The following HYAL1 variants were observed in gnomAD, a reference collection of about 807,000 sequenced individuals.
The protein encoded by HYAL1 is hyaluronidase 1, also known as hyaluronidase-1.
A neutral mutation model predicts 28.8 loss-of-function variants in HYAL1; 21 were observed. The observed-to-expected ratio is 0.73, with a 90% CI of 0.52 to 1.05. The LOEUF is 1.05. Ranked by LOEUF, HYAL1 falls within the 50% of genes least tolerant of loss-of-function variation. The pLI, the probability that HYAL1 is intolerant of heterozygous loss-of-function variation, is 0.00. For missense variants in HYAL1, 491 were observed against 579.2 expected, an observed-to-expected ratio of 0.85 and a Z score of 1.56; for synonymous variants, 200 against 230.1, an observed-to-expected ratio of 0.87 and a Z score of 1.18.
At chr3:50,303,024 G>A (rs1337814011) in intron 1 of HYAL1, 44 bp from the exon 2 acceptor site, 8 of 1,440,000 alleles carry the variant, frequency 5.6e-6, no homozygotes, top group Admixed American at 4.7e-5. Context: ...CAAAGTCTCC[G>A]ATTCCCCCAC....
At chr3:50,304,024 T>G (rs1702275255), upstream of HYAL1, 1 of 151,928 alleles carries the variant, frequency 6.6e-6, no homozygotes, top group Non-Finnish European at 1.5e-5. Flanking sequence ...ATCCTAGCAC[T>G]TTGGGAAGCC....
In HYAL1 at chr3:50,302,970, T is replaced by A. The variant is rs781888428; in HGVS notation, c.-14A>T. 1 of 1,544,706 alleles carries A rather than the reference T, an allele frequency of 6.5e-7. No homozygotes were observed. Among genetic ancestry groups the A allele is most frequent in the Non-Finnish European group, 8.7e-7 (1 of 1,143,956 alleles). ...GTGGGCTGCCATGGCACGGGACTGG[T>A]CGAGGACAACCTGGCCAGGGGAGGC... On this transcript the variant is annotated 5_prime_UTR_variant, in exon 2 of 4. Transcript: ENST00000395144. This position sits in a 1 kb window ranked among gnomAD's most constrained non-coding sequence, Gnocchi z 5.0.
chr3:50,305,927 G>C (rs1333529159), upstream of HYAL1, among the ~76,000 whole-genome samples: 2 of 151,452 alleles, frequency 1.3e-5, 1 homozygote, highest in African/African-American at 4.9e-5. Flanking sequence ...ATGTCATCAG[G>C]ACTTCCTGAG....
At chr3:50,307,798 C>CT (rs782024439), upstream of HYAL1, among the ~76,000 whole-genome samples, 1,986 of 135,060 alleles carry the variant, frequency 0.015, 109 homozygotes, top group African/African-American at 0.047. Flanking sequence ...AACCCAAAAA[C>CT]TTTTTTTTTT....
rs1186033905 is a variant in HYAL1 at position 50,302,570 on chromosome 3, G to C, written c.387C>G (p.Asp129Glu). 3 of 1,614,026 alleles carry C rather than the reference G, an allele frequency of 1.9e-6. No homozygotes were observed. The highest frequency in any genetic ancestry group is 1.3e-5 in the African/African-American group (1 of 74,932). Residue 129 changes from aspartate (D) to glutamate (E), a missense_variant, in exon 2 of 4, where the codon GAC becomes GAG. Asp to Glu is a conservative substitution (Grantham distance 45). Transcript: ENST00000395144. The surrounding 1 kb of genome is among the most constrained non-coding windows in gnomAD (Gnocchi z 5.0). ...CCCAGCGTGGGCGCCATGCCTCCCAGTCGATGACTGCCAGCCCTGAGAAGT... is the reference window on the plus strand; with the variant it reads ...CCCAGCGTGGGCGCCATGCCTCCCACTCGATGACTGCCAGCCCTGAGAAGT... ...APDFSGLAVI[D>E]WEAWRPRWAF...
chr3:50,307,293 G>A (rs1553714108), upstream of HYAL1, among the ~76,000 whole-genome samples: 1 of 150,620 alleles, frequency 6.6e-6, no homozygotes, highest in East Asian at 1.9e-4. Flanking sequence ...TGACCTGGGA[G>A]GCAGAGGTTG....
At chr3:50,308,846 C>A (rs1381662518) in intron 2 of HYAL1, among the ~76,000 whole-genome samples, 1 of 149,920 alleles carries the variant, frequency 6.7e-6, no homozygotes, top group Admixed American at 6.6e-5. Context: ...TTCTCCTCCC[C>A]TAGCCTCCCG....
At position 50,303,234 on chromosome 3, in the gene HYAL1, AC is replaced by A. The variant is rs1702244271; in HGVS notation, c.-25+231del. 7 of 364,804 alleles carry A rather than the reference AC, an allele frequency of 1.9e-5. No homozygotes were observed. In the South Asian group the frequency reaches 5.1e-4, roughly 27 times the overall value. The allele number at this position is 364,804 out of a possible 1,614,324, so 22.6% of individuals were successfully genotyped here. A position where few individuals can be genotyped will look rare whatever the true frequency, so the allele number is the denominator to read the frequency against. On this transcript the variant is annotated intron_variant, in intron 1 of 3. Transcript: ENST00000395144. ...GACTTGCTCTAGCCTAAGCTCGCCC[AC>A]CCCTGCTTCCCCATGAGCCACTGAG...
intron 1 of HYAL1, among the ~76,000 whole-genome samples, chr3:50,312,111 C>T (rs1309143860): frequency 1.4e-5 from 2 of 145,992 alleles, no homozygotes; most frequent in African/African-American, 2.6e-5. Flanking sequence ...GCTGGCCGGG[C>T]GGGGGGCTGA....
At chr3:50,311,684 T>C (rs1575524996) in intron 1 of HYAL1, among the ~76,000 whole-genome samples, 4 of 122,522 alleles carry the variant, frequency 3.3e-5, no homozygotes, top group African/African-American at 9.7e-5. Context: ...CCCCCCAACC[T>C]CCCTCCCGGA....
chr3:50,300,239 A>G lies in HYAL1; in HGVS notation c.*244T>C, dbSNP rs1702063124. On this transcript the variant is annotated 3_prime_UTR_variant, in exon 4 of 4. Coordinates refer to ENST00000395144, the MANE Select transcript of HYAL1 (RefSeq NM_033159.4). ...CTCAGTGTCTCTGGAGGAATTGTCT[A>G]TGACCTTGCCAAGTAGATGCATATG... The G allele has an allele frequency of 1.8e-6, 1 of 564,502 alleles. No homozygotes were observed. The highest frequency in any genetic ancestry group is 3.2e-6 in the Non-Finnish European group (1 of 308,480). The allele number at this position is 564,502 out of a possible 1,614,324, so 35.0% of individuals were successfully genotyped here. A position where few individuals can be genotyped will look rare whatever the true frequency, so the allele number is the denominator to read the frequency against.
intron 1 of HYAL1, among the ~76,000 whole-genome samples, chr3:50,312,078 C>A (rs1702479408): frequency 7.0e-6 from 1 of 143,546 alleles, no homozygotes; most frequent in East Asian, 2.1e-4. Context: ...GCTGACCCCC[C>A]CACCTCCCTC....
chr3:50,311,807 C>T (rs2109317842), intron 1 of HYAL1, among the ~76,000 whole-genome samples: 1 of 144,434 alleles, frequency 6.9e-6, no homozygotes, highest in South Asian at 2.1e-4. Flanking sequence ...GCAGAGGCGC[C>T]CCTCACCTCC....
In HYAL1 at chr3:50,302,078, C is replaced by T. The variant is rs1553713033; in HGVS notation, c.879G>A (p.Thr293=). ...TCACCAGGGGCAGAAAGTGGTTTGT[C>T]GTGTCATAGAAGATCTGGACATAGG... The part of the protein sequence containing the change: ...VLPYVQIFYD[T]TNHFLPLDEL... Residue 293 remains threonine (T), a synonymous_variant, in exon 2 of 4, where the codon ACG becomes ACA. Coordinates refer to ENST00000395144, the MANE Select transcript of HYAL1 (RefSeq NM_033159.4). This position sits in a 1 kb window ranked among gnomAD's most constrained non-coding sequence, Gnocchi z 5.0. 2.5e-6 allele frequency: 4 copies of T among 1,614,064 alleles called. No individual in the cohort carries two copies. The highest frequency in any genetic ancestry group is 1.3e-5 in the African/African-American group (1 of 74,918).
In HYAL1 at chr3:50,300,088, T is replaced by C. The variant is rs909486002; in HGVS notation, c.*395A>G. ...CGTGCTTACTCTCAATGTGAGTGAC[T>C]CAGTTTCCTCATAGCCTCATTGTGA... On this transcript the variant is annotated 3_prime_UTR_variant, in exon 4 of 4. Coordinates refer to ENST00000395144, the MANE Select transcript of HYAL1 (RefSeq NM_033159.4). 3.4e-5 allele frequency: 10 copies of C among 294,592 alleles called. No individual in the cohort carries two copies. The highest frequency in any genetic ancestry group is 2.3e-3 in the Middle Eastern group (2 of 854). 18.2% of individuals were successfully genotyped at this position (294,592 alleles called of 1,614,324 possible).
At chr3:50,308,557 C>T (rs182012098), upstream of HYAL1, among the ~76,000 whole-genome samples, 2 of 150,806 alleles carry the variant, frequency 1.3e-5, no homozygotes, top group East Asian at 3.9e-4. Context: ...ATGCCATTCT[C>T]CTGCCTCAGC....
rs1275783982 is a variant in HYAL1, at chr3:50,310,873, C to T, written c.-309-1096G>A. On this transcript the variant is annotated intron_variant, in intron 1 of 5. Coordinates refer to the HYAL1 transcript ENST00000320295. ...TTGCACCGCCCTTAATCCATTTAACCCTGAGTGGACACAGCACATGTTTCA... is the reference window on the plus strand; with the variant it reads ...TTGCACCGCCCTTAATCCATTTAACTCTGAGTGGACACAGCACATGTTTCA... Among the ~76,000 whole-genome samples, 3 of 151,324 alleles carry T rather than the reference C, an allele frequency of 2.0e-5. No homozygotes were observed. In the East Asian group the frequency reaches 5.8e-4, roughly 29 times the overall value.
chr3:50,300,337 G>A lies in HYAL1; in HGVS notation c.*146C>T. 1.3e-6 allele frequency: 1 copy of A among 776,534 alleles called. No homozygotes were observed. The highest frequency in any genetic ancestry group is 2.6e-5 in the East Asian group (1 of 38,494). 48.1% of individuals were successfully genotyped at this position (776,534 alleles called of 1,614,324 possible). Reference sequence around the variant, plus strand: ...TATTCCAGTCTGTAAGTATGCATGTGTGTGCAGGGAATATGCCTGTGACAG... The same window carrying A: ...TATTCCAGTCTGTAAGTATGCATGTATGTGCAGGGAATATGCCTGTGACAG... On this transcript the variant is annotated 3_prime_UTR_variant, in exon 4 of 4. Transcript: ENST00000395144.
chr3:50,309,945 A>C (rs1184760674), intron 1 of HYAL1, among the ~76,000 whole-genome samples: 1 of 151,496 alleles, frequency 6.6e-6, no homozygotes, highest in Non-Finnish European at 1.5e-5. Context: ...GATTCCTCTT[A>C]TGGGACAAAA....
Sources: gnomAD v4.1 joint callset for allele counts (sites outside exome capture counted in the v4.1 genomes callset) on GRCh38, gnomAD v4.1.1 for gene constraint, Gnocchi (gnomAD v3.1) non-coding constraint, MANE v1.5 for transcripts, NCBI Gene and HGNC (gene_info 2026-07-23, HGNC 2026-07-21) for gene names.